The following ABCD2 variants were observed in gnomAD, a reference collection of about 807,000 sequenced individuals.
ABCD2 encodes the protein ATP binding cassette subfamily D member 2.
ABCD2 carries 36 observed loss-of-function variants against 70.9 expected under a neutral mutation model. That is an observed-to-expected ratio of 0.51 (90% CI 0.39 to 0.67). The LOEUF is 0.67. Ranked by LOEUF, ABCD2 falls within the 30% of genes least tolerant of loss-of-function variation. ABCD2 has a pLI of 0.00. For missense variants in ABCD2, 729 were observed against 890.2 expected (o/e 0.82, Z 2.30); for synonymous variants, 304 against 306.9 (o/e 0.99, Z 0.10).
chr12:39,533,222 CCAATTTATT>C, the ABCD2 span, among the ~76,000 whole-genome samples: 2 of 151,854 alleles, frequency 1.3e-5, no homozygotes, highest in African/African-American at 2.4e-5. Context: ...TGAATGCTTA[CCAATTTATT>C]CACATGGCAT....
intron 8 of ABCD2, among the ~76,000 whole-genome samples, chr12:39,577,069 GA>G (rs879645462): frequency 2.3e-4 from 35 of 149,798 alleles, no homozygotes; most frequent in African/African-American, 5.9e-4. Context: ...CCAAGACTGG[GA>G]AAAAAAAATC....
In ABCD2 at chr12:39,618,750, T is replaced by C. The variant is rs1431004420; in HGVS notation, c.866A>G (p.Lys289Arg). 13 of 1,614,130 alleles carry C rather than the reference T, an allele frequency of 8.1e-6. No homozygotes were observed. Among genetic ancestry groups the C allele is most frequent in the Non-Finnish European group, 1.1e-5 (13 of 1,180,056 alleles). The change falls in exon 1 of 10, where the codon AAA (lysine) becomes AGA (arginine). Residue 289 changes from lysine (K) to arginine (R), a missense_variant. Coordinates refer to ENST00000308666, the MANE Select transcript of ABCD2 (RefSeq NM_005164.4). ...GKLVAEEAHRKGYLRYVHSRI... is the reference protein window; with the variant it reads ...GKLVAEEAHRRGYLRYVHSRI... ...CGAGTGCACATACCGCAAATAGCCT[T>C]TTCTATGTGCTTCCTCTGCCACCAG...
intron 7 of ABCD2, 46 bp from the exon 8 acceptor site, chr12:39,579,665 A>G (rs999290086): frequency 7.0e-7 from 1 of 1,428,748 alleles, no homozygotes; most frequent in Admixed American, 1.8e-5. Context: ...CATTTGTTTA[A>G]TTGTTACTAT....
rs781048566 is a variant in ABCD2 at position 39,591,463 on chromosome 12, G to A, written c.1647-5166C>T. On this transcript the variant is annotated intron_variant, in intron 6 of 9. Coordinates refer to ENST00000308666, the MANE Select transcript of ABCD2 (RefSeq NM_005164.4). ...GCAGTGGCTCGCATCTGTAATCCCC[G>A]TAATTTGGGAGGCCAAGCTGGGTGA... Among the ~76,000 whole-genome samples the A allele has an allele frequency of 1.4e-4, 21 of 152,184 alleles. 1 individual carries two copies. The South Asian group carries it at 1.7e-3, about 12-fold the overall frequency.
At chr12:39,599,831 A>C (rs1317764080) in intron 6 of ABCD2, among the ~76,000 whole-genome samples, 2 of 152,214 alleles carry the variant, frequency 1.3e-5, no homozygotes, top group Non-Finnish European at 2.9e-5. Flanking sequence ...CAGTCCTCTG[A>C]CATAGTAGGA....
intron 2 of ABCD2, among the ~76,000 whole-genome samples, chr12:39,614,571 A>C (rs78416518): frequency 6.6e-6 from 1 of 151,428 alleles, no homozygotes; most frequent in African/African-American, 2.4e-5. Context: ...TTGCCTTAAA[A>C]TATATAAAGC....
chr12:39,573,416 AATAT>A (rs1308675454), intron 9 of ABCD2, among the ~76,000 whole-genome samples: 1 of 152,156 alleles, frequency 6.6e-6, no homozygotes, highest in Non-Finnish European at 1.5e-5. Context: ...ATGATGTACA[AATAT>A]ATAAATATAT....
chr12:39,585,528 C>G (rs915279449), intron 7 of ABCD2, among the ~76,000 whole-genome samples: 26 of 151,956 alleles, frequency 1.7e-4, no homozygotes, highest in African/African-American at 6.0e-4. Context: ...CCTGGCTTAT[C>G]TAGTTAAAGT....
At chr12:39,573,583 T>C (rs2120593139) in intron 9 of ABCD2, 133 bp downstream of exon 9, 7 of 878,848 alleles carry the variant, frequency 8.0e-6, no homozygotes, top group Non-Finnish European at 1.1e-5. Context: ...GCTACTAATG[T>C]GCAACTTAAG....
chr12:39,541,344 C>T, the ABCD2 span, among the ~76,000 whole-genome samples: 2 of 152,068 alleles, frequency 1.3e-5, no homozygotes, highest in African/African-American at 4.8e-5. Context: ...GAAAGAACTG[C>T]AATCTGAAGA....
chr12:39,581,807 G>A (rs1053218717), intron 7 of ABCD2, among the ~76,000 whole-genome samples: 5 of 152,126 alleles, frequency 3.3e-5, no homozygotes, highest in Non-Finnish European at 7.4e-5. Context: ...GCATGATCAC[G>A]GAACACATAA....
At chr12:39,566,677 T>C (rs565243200) in intron 9 of ABCD2, among the ~76,000 whole-genome samples, 82 of 152,318 alleles carry the variant, frequency 5.4e-4, no homozygotes, top group African/African-American at 1.9e-3. Flanking sequence ...TGCTAGCTTT[T>C]GAATGTGTTT....
the ABCD2 span, among the ~76,000 whole-genome samples, chr12:39,542,306 A>G: frequency 6.6e-6 from 1 of 152,090 alleles, no homozygotes; most frequent in Non-Finnish European, 1.5e-5. Flanking sequence ...TACTAAAAAT[A>G]CAAAAAATTA....
At chr12:39,611,813 ATG>A (rs147462265) in intron 2 of ABCD2, among the ~76,000 whole-genome samples, 3 of 150,802 alleles carry the variant, frequency 2.0e-5, no homozygotes, top group East Asian at 1.9e-4. Context: ...GTGTATGTGT[ATG>A]TGTGTGTGTG....
chr12:39,616,746 C>T (rs941993276), intron 2 of ABCD2, among the ~76,000 whole-genome samples: 5 of 151,952 alleles, frequency 3.3e-5, no homozygotes, highest in South Asian at 2.1e-4. Flanking sequence ...AGGTCAACTC[C>T]GAGAAACACT....
At chr12:39,569,677 C>G (rs1357420880) in intron 9 of ABCD2, among the ~76,000 whole-genome samples, 1 of 152,152 alleles carries the variant, frequency 6.6e-6, no homozygotes, top group Non-Finnish European at 1.5e-5. Flanking sequence ...AACCCGGTAC[C>G]TCAGTTGGAA....
At chr12:39,601,596 T>A (rs1440794258) in intron 5 of ABCD2, among the ~76,000 whole-genome samples, 6 of 152,052 alleles carry the variant, frequency 3.9e-5, no homozygotes, top group Non-Finnish European at 5.9e-5. Context: ...TTAAAATTTT[T>A]ATCTACTTCT....
intron 6 of ABCD2, among the ~76,000 whole-genome samples, chr12:39,597,508 A>G (rs946970881): frequency 6.6e-6 from 1 of 152,212 alleles, no homozygotes; most frequent in Admixed American, 6.5e-5. Flanking sequence ...GATAAACTGC[A>G]ACAAGAATTG....
chr12:39,560,749 G>A (rs1303211241), intron 9 of ABCD2, among the ~76,000 whole-genome samples: 2 of 152,046 alleles, frequency 1.3e-5, no homozygotes, highest in East Asian at 3.9e-4. Flanking sequence ...AATTAAAGTT[G>A]TTATGAACTT....
Sources: gnomAD v4.1 joint callset for allele counts (sites outside exome capture counted in the v4.1 genomes callset) on GRCh38, gnomAD v4.1.1 for gene constraint, MANE v1.5 for transcripts, NCBI Gene and HGNC (gene_info 2026-07-23, HGNC 2026-07-21) for gene names.